CFAP161: variants seen among roughly 807,000 people sequenced by gnomAD.
CFAP161 encodes cilia and flagella associated protein 161, also known as cilia- and flagella-associated protein 161.
A neutral mutation model predicts 29.0 loss-of-function variants in CFAP161; 25 were observed. The ratio of observed to expected loss-of-function variants is 0.86; its 90% CI spans 0.63 to 1.20. CFAP161 has a LOEUF of 1.20. CFAP161 is among the 50% of genes most tolerant of loss of function. The probability of loss-of-function intolerance (pLI) is 0.00; values close to 1 mark genes in which losing one functional copy is unlikely to be tolerated. For missense variants in CFAP161, 367 were observed against 371.9 expected (o/e 0.99, Z 0.11); for synonymous variants, 116 against 137.4 (o/e 0.84, Z 1.09).
chr15:81,141,314 C>T (rs1894904351), intron 4 of CFAP161, among the ~76,000 whole-genome samples: 1 of 151,932 alleles, frequency 6.6e-6, no homozygotes, highest in South Asian at 2.1e-4. Flanking sequence ...TAGAGAGGTC[C>T]TTTTGATAGA....
intron 1 of CFAP161, among the ~76,000 whole-genome samples, chr15:81,123,441 C>A (rs912459715): frequency 6.6e-6 from 1 of 152,144 alleles, no homozygotes; most frequent in Non-Finnish European, 1.5e-5. Flanking sequence ...GTCACTGTAG[C>A]CTTGTAGAAT....
chr15:81,142,526 C>T lies in CFAP161; in HGVS notation c.478-1136C>T, dbSNP rs574248723. On this transcript the variant is annotated intron_variant, in intron 4 of 6. Transcript: ENST00000286732. ...AGCCTCTTTTGATCCCCCAGGAAAGCACCGTGCTCCTACCTCTGCCTCCCA... is the reference window on the plus strand; with the variant it reads ...AGCCTCTTTTGATCCCCCAGGAAAGTACCGTGCTCCTACCTCTGCCTCCCA... Among the ~76,000 whole-genome samples, 4 of 152,270 alleles carry T rather than the reference C, an allele frequency of 2.6e-5. No homozygotes were observed. In the East Asian group the frequency reaches 5.8e-4, roughly 22 times the overall value.
chr15:81,122,333 G>C (rs148653346), intron 1 of CFAP161, among the ~76,000 whole-genome samples: 43 of 152,246 alleles, frequency 2.8e-4, no homozygotes, highest in African/African-American at 1.0e-3. Context: ...CCCACCAACA[G>C]TATAAATGCA....
rs1016532956 is a variant in CFAP161, at chr15:81,119,890, T to TA, written c.-141-7691dup. ...GGGCAACACAGCAAGATCCTGTCTT[T>TA]AAAAAAAAATTAAAAAAATAAAAAT... On this transcript the variant is annotated intron_variant, in intron 1 of 4. Transcript: ENST00000560091. 6.7e-5 allele frequency among the ~76,000 whole-genome samples: 9 copies of TA among 133,838 alleles called. No homozygotes were observed. The South Asian group carries it at 9.4e-4, about 14-fold the overall frequency. The allele number at this position is 133,838 out of a possible 152,430, so 87.8% of individuals were successfully genotyped here. A position where few individuals can be genotyped will look rare whatever the true frequency, so the allele number is the denominator to read the frequency against.
intron 1 of CFAP161, chr15:81,118,079 A>C: frequency 1.9e-6 from 1 of 527,156 alleles, no homozygotes. Flanking sequence ...AAAGGTTCCA[A>C]GGTGCTGATA....
intron 3 of CFAP161, 143 bp from the exon 4 acceptor site, chr15:81,137,908 A>G: frequency 1.6e-6 from 1 of 616,044 alleles, no homozygotes; most frequent in Non-Finnish European, 2.8e-6. Flanking sequence ...CTTTTATTTA[A>G]TTACCTAATT....
intron 1 of CFAP161, among the ~76,000 whole-genome samples, chr15:81,126,646 C>T (rs1894645142): frequency 6.6e-6 from 1 of 152,158 alleles, no homozygotes; most frequent in Non-Finnish European, 1.5e-5. Flanking sequence ...CCTGTTTGAT[C>T]TGAGAGCCTA....
rs201116091 is a variant in CFAP161 at position 81,136,685 on chromosome 15, C to T, written c.329C>T (p.Pro110Leu). 5.6e-5 allele frequency: 90 copies of T among 1,613,988 alleles called. No homozygotes were observed. The highest frequency in any genetic ancestry group is 6.6e-5 in the Non-Finnish European group (78 of 1,180,038). The change falls in exon 3 of 7, where the codon CCC becomes CTC. Residue 110 changes from proline (P) to leucine (L), a missense_variant. Pro to Leu is a moderately conservative substitution (Grantham distance 98). Coordinates refer to ENST00000286732, the MANE Select transcript of CFAP161 (RefSeq NM_173528.4). Reference sequence around the variant, plus strand: ...CATCTGAAAGACGAATTAGAGGTACCCTGTGGCCTGAGCGCAGTTCAAGCC... The same window carrying T: ...CATCTGAAAGACGAATTAGAGGTACTCTGTGGCCTGAGCGCAGTTCAAGCC... ...QSHLKDELEV[P>L]CGLSAVQAKT...
chr15:81,128,637 G>A (rs1002750666), intron 2 of CFAP161, among the ~76,000 whole-genome samples: 1 of 152,084 alleles, frequency 6.6e-6, no homozygotes, highest in African/African-American at 2.4e-5. Flanking sequence ...CATCCATGAG[G>A]ATTGAAATCA....
intron 1 of CFAP161, among the ~76,000 whole-genome samples, chr15:81,105,960 G>T (rs1308813427): frequency 6.6e-6 from 1 of 152,192 alleles, no homozygotes; most frequent in East Asian, 1.9e-4. Context: ...CTAAGGCTAT[G>T]TCGATGAAAC....
chr15:81,143,613 G>A (rs750197411), intron 4 of CFAP161, 49 bp from the exon 5 acceptor site: 1 of 1,565,774 alleles, frequency 6.4e-7, no homozygotes, highest in South Asian at 1.2e-5. Context: ...TTATTCTCCA[G>A]CTTTTCACAG....
At chr15:81,126,754 T>G (rs1894646279) in intron 1 of CFAP161, among the ~76,000 whole-genome samples, 1 of 152,230 alleles carries the variant, frequency 6.6e-6, no homozygotes, top group South Asian at 2.1e-4. Context: ...AAAACTATTT[T>G]ATGTTTCTAA....
At chr15:81,122,756 T>G (rs1197113562) in intron 1 of CFAP161, among the ~76,000 whole-genome samples, 1 of 152,100 alleles carries the variant, frequency 6.6e-6, no homozygotes, top group Admixed American at 6.6e-5. Flanking sequence ...CCTCCCAAAG[T>G]GCTGGGATTA....
At chr15:81,117,741 A>G in intron 1 of CFAP161, 1 of 307,266 alleles carries the variant, frequency 3.3e-6, no homozygotes, top group Non-Finnish European at 6.5e-6. Flanking sequence ...CATCTTTATC[A>G]AGTCCAAATT....
intron 4 of CFAP161, among the ~76,000 whole-genome samples, chr15:81,141,582 T>C (rs1894909830): frequency 6.6e-6 from 1 of 152,306 alleles, no homozygotes; most frequent in South Asian, 2.1e-4. Context: ...GGGGCATTCA[T>C]AGAAGCGTTG....
At chr15:81,133,221 A>ATTT (rs1253988690), upstream of CFAP161, among the ~76,000 whole-genome samples, 5 of 32,490 alleles carry the variant, frequency 1.5e-4, no homozygotes, top group African/African-American at 5.0e-4. Flanking sequence ...ATATATATAT[A>ATTT]TATGTATTTT....
At chr15:81,111,304 G>A (rs1894437201) in intron 1 of CFAP161, among the ~76,000 whole-genome samples, 2 of 152,212 alleles carry the variant, frequency 1.3e-5, no homozygotes, top group African/African-American at 4.8e-5. Context: ...GTGAATTTTG[G>A]TTGAATGAAC....
chr15:81,118,743 C>A (rs1326151314), intron 1 of CFAP161, among the ~76,000 whole-genome samples: 1 of 152,212 alleles, frequency 6.6e-6, no homozygotes, highest in African/African-American at 2.4e-5. Context: ...AGCTGAGGCC[C>A]GCCCCAAACC....
At chr15:81,099,794 AT>A (rs1372316481) in intron 1 of CFAP161, among the ~76,000 whole-genome samples, 4 of 152,220 alleles carry the variant, frequency 2.6e-5, no homozygotes, top group African/African-American at 9.6e-5. Context: ...AAGCATATTA[AT>A]TCTAGTATTT....
Sources: gnomAD v4.1 joint callset for allele counts (sites outside exome capture counted in the v4.1 genomes callset) on GRCh38, gnomAD v4.1.1 for gene constraint, MANE v1.5 for transcripts, NCBI Gene and HGNC (gene_info 2026-07-23, HGNC 2026-07-21) for gene names.